Variants in XIRP2 observed in about 807,000 individuals in gnomAD.
The protein encoded by XIRP2 is xin actin-binding repeat-containing protein 2.
Under a neutral mutation model 277.0 loss-of-function variants are expected in XIRP2, and 236 were observed. The ratio of observed to expected loss-of-function variants is 0.85; its 90% CI spans 0.77 to 0.95. The LOEUF (loss-of-function observed/expected upper bound fraction) is 0.95. Ranked by LOEUF, XIRP2 falls within the 40% of genes least tolerant of loss-of-function variation. XIRP2 has a pLI of 0.00. For missense variants in XIRP2, 4,640 were observed against 4,157.5 expected (o/e 1.12, Z -3.19); for synonymous variants, 1,490 against 1,416.5 (o/e 1.05, Z -1.17).
chr2:167,052,736 A>G (rs1688945316), intron 2 of XIRP2, among the ~76,000 whole-genome samples: 1 of 152,180 alleles, frequency 6.6e-6, no homozygotes, highest in African/African-American at 2.4e-5. Context: ...CCATTTAAAA[A>G]TAATCGATAG....
intron 5 of XIRP2, among the ~76,000 whole-genome samples, chr2:167,221,948 T>C (rs931198061): frequency 1.3e-5 from 2 of 152,228 alleles, no homozygotes; most frequent in Admixed American, 1.3e-4. Context: ...GGTATAATAA[T>C]AAAGTCCAAT....
chr2:166,994,839 T>C (rs1427182838), intron 2 of XIRP2, among the ~76,000 whole-genome samples: 1 of 152,122 alleles, frequency 6.6e-6, no homozygotes, highest in African/African-American at 2.4e-5. Flanking sequence ...TTTACAGGAA[T>C]TGTGTACTAC....
chr2:166,891,487 A>G (rs796511742), intron 1 of XIRP2, among the ~76,000 whole-genome samples: 21 of 152,276 alleles, frequency 1.4e-4, no homozygotes, highest in African/African-American at 5.0e-4. Context: ...ATATAATAAT[A>G]AAGCTTTAGT....
chr2:167,248,877 C>T lies in XIRP2; in HGVS notation c.7485C>T (p.Asp2495=). 1 of 1,613,620 alleles carries T rather than the reference C, an allele frequency of 6.2e-7. No homozygotes were observed. Among genetic ancestry groups the T allele is most frequent in the Non-Finnish European group, 8.5e-7 (1 of 1,179,782 alleles). The change falls in exon 9 of 11, where the codon GAC becomes GAT. Residue 2495 remains aspartate (D), a synonymous_variant. Transcript: ENST00000409195. ...SLDERKQLSI[D]SANCLSHTVP... is the part of the protein sequence containing the mutation. ...ATGAAAGAAAACAATTATCTATTGA[C>T]TCTGCAAACTGTCTCTCACACACAG...
At chr2:166,936,009 C>T (rs1405936785) in intron 2 of XIRP2, among the ~76,000 whole-genome samples, 3 of 152,190 alleles carry the variant, frequency 2.0e-5, no homozygotes, top group African/African-American at 7.2e-5. Context: ...AATGGTTGAA[C>T]CAGTTTGCAG....
rs2105459621 is a variant in XIRP2, at chr2:167,258,914, G to C, written c.*1097G>C. 2 of 1,613,102 alleles carry C rather than the reference G, an allele frequency of 1.2e-6. No homozygotes were observed. Among genetic ancestry groups the C allele is most frequent in the Middle Eastern group, 1.7e-4 (1 of 6,052 alleles). ...GAAACAGACTGACAGAGCAGCTGCTGGCAGTCCTGTGCAGCCTGCTCCAAA... is the reference window on the plus strand; with the variant it reads ...GAAACAGACTGACAGAGCAGCTGCTCGCAGTCCTGTGCAGCCTGCTCCAAA... On this transcript the variant is annotated 3_prime_UTR_variant, in exon 11 of 11. Transcript: ENST00000409195.
intron 3 of XIRP2, among the ~76,000 whole-genome samples, chr2:167,178,391 T>C (rs771588729): frequency 1.3e-5 from 2 of 152,154 alleles, no homozygotes; most frequent in Non-Finnish European, 2.9e-5. Context: ...GAATATATTT[T>C]GAAATGAAGT....
At position 167,246,896 on chromosome 2, in the gene XIRP2, A is replaced by G. The variant is rs1273237620; in HGVS notation, c.5504A>G (p.Glu1835Gly). 1.5e-5 allele frequency: 24 copies of G among 1,613,308 alleles called. No homozygotes were observed. Among genetic ancestry groups the G allele is most frequent in the Non-Finnish European group, 2.0e-5 (24 of 1,179,772 alleles). Reference sequence around the variant, plus strand: ...ACATTTGGTAAGATACCCAAAGAAGAGATTATAAAAGGTGATTTGACATCA... The same window carrying G: ...ACATTTGGTAAGATACCCAAAGAAGGGATTATAAAAGGTGATTTGACATCA... Reference protein sequence around the residue: ...QSTFGKIPKEEIIKGDLTSTL... With the variant: ...QSTFGKIPKEGIIKGDLTSTL... Residue 1835 changes from glutamate to glycine, a missense_variant, in exon 9 of 11, where the codon GAG becomes GGG. By Grantham distance (98) the Glu-to-Gly change is moderately conservative. Coordinates refer to ENST00000409195, the MANE Select transcript of XIRP2 (RefSeq NM_152381.6).
At chr2:166,905,073 C>G (rs1480762993) in intron 2 of XIRP2, among the ~76,000 whole-genome samples, 1 of 151,872 alleles carries the variant, frequency 6.6e-6, no homozygotes, top group East Asian at 1.9e-4. Flanking sequence ...AAACATGCAA[C>G]CATTTGCTGA....
Position 167,243,990 on chromosome 2 carries a change from G to C in XIRP2, c.2598G>C (p.Glu866Asp), listed in dbSNP as rs1365872292. 2.5e-6 allele frequency: 4 copies of C among 1,613,980 alleles called. No homozygotes were observed. The highest frequency in any genetic ancestry group is 3.4e-6 in the Non-Finnish European group (4 of 1,179,910). Residue 866 changes from glutamate to aspartate, a missense_variant, in exon 9 of 11, where the codon GAG (glutamate) becomes GAC (aspartate). By Grantham distance (45) the Glu-to-Asp change is conservative. Transcript: ENST00000409195. ...VPDADSLQRE[E>D]IIGGDVQTTK... ...ATGCAGATTCTCTACAACGTGAGGA[G>C]ATAATAGGTGGTGATGTACAAACTA...
intron 2 of XIRP2, among the ~76,000 whole-genome samples, chr2:166,984,093 G>T (rs1422133535): frequency 1.3e-5 from 2 of 152,054 alleles, no homozygotes; most frequent in African/African-American, 4.8e-5. Context: ...GTTCAAGATG[G>T]CCATCTCAAC....
chr2:166,906,048 C>G (rs1005264355), intron 2 of XIRP2, among the ~76,000 whole-genome samples: 2 of 151,950 alleles, frequency 1.3e-5, no homozygotes, highest in Non-Finnish European at 2.9e-5. Context: ...TCTGGCTACT[C>G]TATAACTCTG....
chr2:166,942,491 C>T (rs1225209291), intron 2 of XIRP2, among the ~76,000 whole-genome samples: 1 of 152,184 alleles, frequency 6.6e-6, no homozygotes, highest in Non-Finnish European at 1.5e-5. Flanking sequence ...AGTCCAAGCA[C>T]ACAAGTGTTA....
At chr2:167,053,690 T>A (rs1296223868) in intron 2 of XIRP2, among the ~76,000 whole-genome samples, 1 of 152,216 alleles carries the variant, frequency 6.6e-6, no homozygotes, top group Admixed American at 6.5e-5. Flanking sequence ...CCAATTTTAA[T>A]AATTTGTCAT....
At chr2:166,890,988 A>G (rs1360195125) in intron 1 of XIRP2, among the ~76,000 whole-genome samples, 1 of 152,174 alleles carries the variant, frequency 6.6e-6, no homozygotes, top group Non-Finnish European at 1.5e-5. Flanking sequence ...TCCATGACTT[A>G]CTAAATAATG....
intron 2 of XIRP2, among the ~76,000 whole-genome samples, chr2:167,101,545 C>T (rs1690487228): frequency 6.6e-6 from 1 of 152,114 alleles, no homozygotes; most frequent in Non-Finnish European, 1.5e-5. Flanking sequence ...AGCTTAGCTC[C>T]CAGTTATGAG....
intron 2 of XIRP2, among the ~76,000 whole-genome samples, chr2:166,947,998 C>T (rs1359231448): frequency 6.6e-6 from 1 of 152,060 alleles, no homozygotes; most frequent in Non-Finnish European, 1.5e-5. Context: ...AATTGTGTGA[C>T]ATTCTGGAAA....
intron 2 of XIRP2, among the ~76,000 whole-genome samples, chr2:166,937,082 A>C (rs769525141): frequency 2.6e-5 from 4 of 151,948 alleles, no homozygotes; most frequent in Non-Finnish European, 5.9e-5. Context: ...GTCCTGTTTT[A>C]TTTCTTTCTC....
At chr2:166,931,106 T>C (rs1685322077) in intron 2 of XIRP2, among the ~76,000 whole-genome samples, 2 of 152,238 alleles carry the variant, frequency 1.3e-5, no homozygotes, top group South Asian at 4.1e-4. Context: ...AGCTGGAGAC[T>C]GAAAAAGAAG....
Sources: allele counts gnomAD v4.1 joint callset (sites outside exome capture counted in the v4.1 genomes callset), GRCh38; gene constraint gnomAD v4.1.1; transcripts MANE v1.5; gene names NCBI Gene and HGNC (gene_info 2026-07-23, HGNC 2026-07-21).